Variants in ANKRD62 observed in about 807,000 individuals in gnomAD.
The protein encoded by ANKRD62 is ankyrin repeat domain-containing protein 62.
A neutral mutation model predicts 98.8 loss-of-function variants in ANKRD62; 61 were observed. The observed-to-expected ratio is 0.62, with a 90% CI of 0.50 to 0.76. The LOEUF is 0.76. Ranked by LOEUF, ANKRD62 falls within the 30% of genes least tolerant of loss-of-function variation. The pLI, the probability that ANKRD62 is intolerant of heterozygous loss-of-function variation, is 0.00. For synonymous variants in ANKRD62, 341 were observed against 367.9 expected (o/e 0.93, Z 0.84); for missense variants, 933 against 1,082.9 (o/e 0.86, Z 1.94).
intron 11 of ANKRD62, among the ~76,000 whole-genome samples, chr18:12,122,735 A>T (rs893545029): frequency 1.6e-4 from 24 of 152,190 alleles, no homozygotes; most frequent in African/African-American, 5.3e-4. Flanking sequence ...TTTAATGGCT[A>T]TATAGAATTC....
the ANKRD62 span, among the ~76,000 whole-genome samples, chr18:12,172,129 T>A: frequency 6.6e-6 from 1 of 152,234 alleles, no homozygotes; most frequent in South Asian, 2.1e-4. Flanking sequence ...ATCTGAAGCC[T>A]TCTTCTCTCA....
At chr18:12,174,517 C>T in the ANKRD62 span, among the ~76,000 whole-genome samples, 3 of 152,200 alleles carry the variant, frequency 2.0e-5, no homozygotes, top group Non-Finnish European at 4.4e-5. Flanking sequence ...CTGTTTCAGC[C>T]TAGTTCAGAA....
the ANKRD62 span, among the ~76,000 whole-genome samples, chr18:12,175,861 A>T: frequency 6.6e-6 from 1 of 151,868 alleles, no homozygotes; most frequent in Non-Finnish European, 1.5e-5. Context: ...CCAATAGTTC[A>T]CTTTTCAATC....
At chr18:12,115,653 T>C (rs879045204) in intron 10 of ANKRD62, 119 bp downstream of exon 10, 1 of 902,388 alleles carries the variant, frequency 1.1e-6, no homozygotes, top group Non-Finnish European at 1.6e-6. Flanking sequence ...CTCGGAAATA[T>C]CCTTCTTGTG....
chr18:12,131,908 G>GT (rs559392624), downstream of ANKRD62, among the ~76,000 whole-genome samples: 176 of 151,758 alleles, frequency 1.2e-3, 1 homozygote, highest in Non-Finnish European at 1.2e-3. Context: ...TTATTCTTTT[G>GT]TTTTTTTCAG....
the ANKRD62 span, among the ~76,000 whole-genome samples, chr18:12,156,694 T>A: frequency 6.6e-6 from 1 of 152,258 alleles, no homozygotes; most frequent in East Asian, 1.9e-4. Flanking sequence ...AAAAACACCA[T>A]TTTAGGGCAT....
intron 10 of ANKRD62, among the ~76,000 whole-genome samples, chr18:12,121,997 C>T (rs1273499242): frequency 1.3e-5 from 2 of 152,120 alleles, no homozygotes; most frequent in Non-Finnish European, 2.9e-5. Context: ...GGAAATCTTC[C>T]CTGAGCCAAG....
At chr18:12,136,460 T>C in the ANKRD62 span, among the ~76,000 whole-genome samples, 1 of 152,210 alleles carries the variant, frequency 6.6e-6, no homozygotes, top group Non-Finnish European at 1.5e-5. Context: ...TGTAGCATAG[T>C]TTGAAGTCAG....
chr18:12,119,348 T>TC (rs1486979732), intron 10 of ANKRD62, among the ~76,000 whole-genome samples: 16 of 6,820 alleles, frequency 2.3e-3, no homozygotes, highest in South Asian at 7.2e-3. Flanking sequence ...ATCTTCTTCT[T>TC]TTTTTTTTTT....
At chr18:12,167,205 A>G in the ANKRD62 span, among the ~76,000 whole-genome samples, 2 of 152,000 alleles carry the variant, frequency 1.3e-5, no homozygotes, top group Non-Finnish European at 1.5e-5. Context: ...TTACGTATGT[A>G]TACATGTGCC....
At chr18:12,117,069 C>T (rs537190059) in intron 10 of ANKRD62, among the ~76,000 whole-genome samples, 3 of 152,298 alleles carry the variant, frequency 2.0e-5, no homozygotes, top group Admixed American at 2.0e-4. Context: ...TATGGAAATA[C>T]AGTTGATTTT....
At chr18:12,165,252 A>G in the ANKRD62 span, among the ~76,000 whole-genome samples, 1 of 151,936 alleles carries the variant, frequency 6.6e-6, no homozygotes, top group Admixed American at 6.6e-5. Context: ...TTTTTATTGG[A>G]GAATTTAGTC....
chr18:12,127,080 A>C (rs1909907617), intron 13 of ANKRD62, among the ~76,000 whole-genome samples: 1 of 152,110 alleles, frequency 6.6e-6, no homozygotes, highest in South Asian at 2.1e-4. Context: ...TTTCAGTCAA[A>C]AATGTGGTCA....
intron 8 of ANKRD62, among the ~76,000 whole-genome samples, chr18:12,109,452 G>A (rs1909487632): frequency 1.3e-5 from 2 of 152,172 alleles, no homozygotes; most frequent in East Asian, 1.9e-4. Context: ...GAGCAGTGGG[G>A]CCCTAGCAAA....
At position 12,125,518 on chromosome 18, in the gene ANKRD62, A is replaced by G. The variant is rs1598738398; in HGVS notation, c.1697A>G (p.Asp566Gly). The G allele has an allele frequency of 2.0e-6, 3 of 1,502,970 alleles. No homozygotes were observed. 93.1% of individuals were successfully genotyped at this position (1,502,970 alleles called of 1,614,324 possible). A position where few individuals can be genotyped will look rare whatever the true frequency, so the allele number is the denominator to read the frequency against. The change falls in exon 13 of 14, where the codon GAT becomes GGT. Residue 566 changes from aspartate to glycine, a missense_variant. By Grantham distance (94) the Asp-to-Gly change is moderately conservative. Around this residue, in one of 3 missense-constraint regions of ANKRD62, gnomAD observed 362 missense variants for 434.5 expected, o/e 0.83. Transcript: ENST00000587848. ...TGGCAGGAAAATCACTTGATGCGGG[A>G]TGAAATTGCCAGACTCAGGCTGGAA... ...DLWQENHLMRDEIARLRLEID... is the reference protein window; with the variant it reads ...DLWQENHLMRGEIARLRLEID...
Position 12,126,009 on chromosome 18 carries a change from A to C in ANKRD62, c.2188A>C (p.Lys730Gln), listed in dbSNP as rs911137968. Residue 730 changes from lysine to glutamine, a missense_variant, in exon 13 of 14, where the codon AAG becomes CAG. Lys to Gln is a moderately conservative substitution (Grantham distance 53). Around this residue, in one of 3 missense-constraint regions of ANKRD62, gnomAD observed 362 missense variants for 434.5 expected, o/e 0.83. Coordinates refer to ENST00000587848, the MANE Select transcript of ANKRD62 (RefSeq NM_001277333.2). ...TTATGAAAGAGAGGCTCTCAAAGAA[A>C]AGACGTTGCATATAGAACACATGCA... Reference protein sequence around the residue: ...LHYEREALKEKTLHIEHMQGV... With the variant: ...LHYEREALKEQTLHIEHMQGV... 2.0e-6 allele frequency: 3 copies of C among 1,536,474 alleles called. No individual in the cohort carries two copies. Among genetic ancestry groups the C allele is most frequent in the Non-Finnish European group, 2.6e-6 (3 of 1,146,936 alleles).
the ANKRD62 span, among the ~76,000 whole-genome samples, chr18:12,138,320 G>A: frequency 6.6e-6 from 1 of 152,202 alleles, no homozygotes; most frequent in African/African-American, 2.4e-5. Context: ...AGTCATTCAG[G>A]AGCAGGTTGT....
At chr18:12,169,534 C>T in the ANKRD62 span, among the ~76,000 whole-genome samples, 2 of 152,104 alleles carry the variant, frequency 1.3e-5, no homozygotes, top group Non-Finnish European at 2.9e-5. Context: ...TTCTGTTTGC[C>T]AGTATTTTCT....
chr18:12,140,079 C>G, the ANKRD62 span, among the ~76,000 whole-genome samples: 1 of 152,248 alleles, frequency 6.6e-6, no homozygotes, highest in African/African-American at 2.4e-5. Context: ...CTTTTCTTCA[C>G]GCTTCATATC....
Sources: allele counts gnomAD v4.1 joint callset (sites outside exome capture counted in the v4.1 genomes callset), GRCh38; gene constraint gnomAD v4.1.1; regional missense constraint gnomAD v4.1.1; transcripts MANE v1.5; gene names NCBI Gene and HGNC (gene_info 2026-07-23, HGNC 2026-07-21).